EIPR1: variants seen among roughly 807,000 people sequenced by gnomAD.
The protein encoded by EIPR1 is EARP complex and GARP complex interacting protein 1.
EIPR1 carries 25 observed loss-of-function variants against 48.1 expected under a neutral mutation model. The observed-to-expected ratio is 0.52, with a 90% CI of 0.38 to 0.73. The LOEUF (loss-of-function observed/expected upper bound fraction) is 0.73, where lower values mean the gene tolerates loss of function less well. Among genes scored for constraint, EIPR1 ranks in the 30% least tolerant of loss-of-function variants. The probability of loss-of-function intolerance (pLI) is 0.00; values close to 1 mark genes in which losing one functional copy is unlikely to be tolerated. For synonymous variants in EIPR1, 204 were observed against 201.9 expected, an observed-to-expected ratio of 1.01 and a Z score of -0.09; for missense variants, 415 against 506.2, an observed-to-expected ratio of 0.82 and a Z score of 1.73.
intron 3 of EIPR1, among the ~76,000 whole-genome samples, chr2:3,257,838 C>T (rs1040584358): frequency 2.0e-5 from 3 of 152,200 alleles, no homozygotes; most frequent in Admixed American, 6.5e-5. Flanking sequence ...TGGCATTAAA[C>T]GGGTTTTCTC....
chr2:3,341,562 G>T (rs1041730033), intron 2 of EIPR1, among the ~76,000 whole-genome samples: 3 of 151,558 alleles, frequency 2.0e-5, no homozygotes, highest in Non-Finnish European at 4.4e-5. Flanking sequence ...GAGGGGGTGT[G>T]AGTGTGAGGC....
chr2:3,335,704 C>G lies in EIPR1; in HGVS notation c.259+2313G>C, dbSNP rs575390563. Among the ~76,000 whole-genome samples the G allele has an allele frequency of 3.3e-5, 5 of 152,242 alleles. No homozygotes were observed. The South Asian group carries it at 1.0e-3, about 32-fold the overall frequency. Reference sequence around the variant, plus strand: ...GACTGGATCACAGGGTGGATTTCCCCCTTGCTGTTCTTGTGACAGTAAGAT... The same window carrying G: ...GACTGGATCACAGGGTGGATTTCCCGCTTGCTGTTCTTGTGACAGTAAGAT... On this transcript the variant is annotated intron_variant, in intron 3 of 8. Coordinates refer to ENST00000382125, the MANE Select transcript of EIPR1 (RefSeq NM_003310.5).
At chr2:3,317,776 G>A (rs534938566) in intron 3 of EIPR1, among the ~76,000 whole-genome samples, 7 of 152,284 alleles carry the variant, frequency 4.6e-5, no homozygotes, top group East Asian at 1.9e-4. Context: ...AGAAAGAGAC[G>A]TGGGGTTTGC....
intron 4 of EIPR1, among the ~76,000 whole-genome samples, chr2:3,235,289 G>C (rs1232220917): frequency 6.6e-6 from 1 of 152,254 alleles, no homozygotes; most frequent in Non-Finnish European, 1.5e-5. Context: ...CATCCCCTCA[G>C]CTCCTCCCTC....
intron 1 of EIPR1, among the ~76,000 whole-genome samples, chr2:3,364,707 T>C (rs1214295263): frequency 6.6e-6 from 1 of 151,736 alleles, no homozygotes; most frequent in African/African-American, 2.4e-5. Flanking sequence ...GGTCATTATG[T>C]TAAGTGAACT....
chr2:3,275,587 C>T (rs975925323), intron 3 of EIPR1, among the ~76,000 whole-genome samples: 4 of 152,054 alleles, frequency 2.6e-5, no homozygotes, highest in Admixed American at 2.0e-4. Context: ...CAATATATTT[C>T]AAAGAATTAC....
intron 6 of EIPR1, among the ~76,000 whole-genome samples, chr2:3,196,222 C>T (rs886665702): frequency 2.0e-5 from 3 of 152,158 alleles, no homozygotes; most frequent in Non-Finnish European, 2.9e-5. Flanking sequence ...GGAATCAACA[C>T]GAGTTATTGC....
chr2:3,303,632 A>AT (rs1292217170), intron 3 of EIPR1, among the ~76,000 whole-genome samples: 27 of 152,174 alleles, frequency 1.8e-4, no homozygotes, highest in Non-Finnish European at 5.9e-5. Context: ...AACCTAGGAA[A>AT]TTTCCCCAAG....
chr2:3,273,981 AT>A (rs1334822745), intron 3 of EIPR1, among the ~76,000 whole-genome samples: 7 of 152,266 alleles, frequency 4.6e-5, no homozygotes, highest in African/African-American at 1.7e-4. Context: ...CTTAAAAAAA[AT>A]AATAAAGCAT....
chr2:3,218,743 C>T (rs1051253517), intron 4 of EIPR1, among the ~76,000 whole-genome samples: 1 of 149,804 alleles, frequency 6.7e-6, no homozygotes, highest in Non-Finnish European at 1.5e-5. Flanking sequence ...GAGTCAGGTG[C>T]ACACTCAACA....
intron 5 of EIPR1, among the ~76,000 whole-genome samples, chr2:3,211,024 C>A (rs1339380209): frequency 6.6e-6 from 1 of 152,142 alleles, no homozygotes; most frequent in Non-Finnish European, 1.5e-5. Flanking sequence ...CGGTACTGTG[C>A]TTATTACCTG....
intron 3 of EIPR1, among the ~76,000 whole-genome samples, chr2:3,330,874 G>A (rs1353293086): frequency 1.3e-5 from 2 of 151,232 alleles, no homozygotes; most frequent in African/African-American, 4.9e-5. Flanking sequence ...ATGAGACGGT[G>A]TAAGCAGAGA....
chr2:3,313,893 G>A (rs1297733336), intron 3 of EIPR1, among the ~76,000 whole-genome samples: 1 of 152,178 alleles, frequency 6.6e-6, no homozygotes, highest in Admixed American at 6.5e-5. Flanking sequence ...ATGTGCATCT[G>A]ACCCTCACCC....
At chr2:3,240,475 GC>G (rs1666572557) in intron 4 of EIPR1, among the ~76,000 whole-genome samples, 1 of 148,230 alleles carries the variant, frequency 6.7e-6, no homozygotes, top group African/African-American at 2.5e-5. Flanking sequence ...CTCAAGAAAA[GC>G]CAGCAGATCC....
At chr2:3,214,275 TAACA>T in intron 4 of EIPR1, 27 bp from the exon 5 acceptor site, 1 of 1,603,370 alleles carries the variant, frequency 6.2e-7, no homozygotes, top group Non-Finnish European at 8.5e-7. Context: ...TACCAAATGT[TAACA>T]TAAACATTTG....
intron 2 of EIPR1, among the ~76,000 whole-genome samples, chr2:3,338,466 T>C (rs1558308015): frequency 2.0e-5 from 3 of 152,276 alleles, no homozygotes; most frequent in East Asian, 3.9e-4. Flanking sequence ...CGAGCCACTG[T>C]TGGTGTCACG....
chr2:3,201,535 G>A (rs972973846), intron 5 of EIPR1, among the ~76,000 whole-genome samples: 4 of 152,194 alleles, frequency 2.6e-5, no homozygotes, highest in African/African-American at 4.8e-5. Context: ...GACACAGAGC[G>A]GGGGCACAGG....
At chr2:3,353,847 TGTGTGATCAGATA>T (rs1670651136) in intron 2 of EIPR1, among the ~76,000 whole-genome samples, 1 of 152,186 alleles carries the variant, frequency 6.6e-6, no homozygotes, top group Non-Finnish European at 1.5e-5. Flanking sequence ...CCATTTCCCC[TGTGTGATCAGATA>T]AGCCGGACAG....
intron 3 of EIPR1, among the ~76,000 whole-genome samples, chr2:3,321,675 A>G (rs548364069): frequency 6.6e-6 from 1 of 152,302 alleles, no homozygotes; most frequent in African/African-American, 2.4e-5. Flanking sequence ...AACAAGAACC[A>G]TTGTATCTTG....
Sources: gnomAD v4.1 joint callset for allele counts (sites outside exome capture counted in the v4.1 genomes callset) on GRCh38, gnomAD v4.1.1 for gene constraint, MANE v1.5 for transcripts, NCBI Gene and HGNC (gene_info 2026-07-23, HGNC 2026-07-21) for gene names.